GRID2: variants seen among roughly 807,000 people sequenced by gnomAD.
The protein encoded by GRID2 is glutamate receptor ionotropic, delta-2.
GRID2 carries 33 observed loss-of-function variants against 114.8 expected under a neutral mutation model. The observed-to-expected ratio is 0.29, with a 90% CI of 0.22 to 0.38. GRID2 has a LOEUF of 0.38. GRID2 is among the 10% of genes least tolerant of loss of function. GRID2 has a pLI of 1.00. For synonymous variants in GRID2, 505 were observed against 449.9 expected (o/e 1.12, Z -1.55); for missense variants, 1,184 against 1,257.7 (o/e 0.94, Z 0.89).
chr4:92,493,160 A>G (rs1723232147), intron 1 of GRID2, among the ~76,000 whole-genome samples: 1 of 151,764 alleles, frequency 6.6e-6, no homozygotes, highest in African/African-American at 2.4e-5. Context: ...ATTGAATTGA[A>G]TAAAGTTTTA....
chr4:93,133,813 CCTGTCAAAATACAAA>C (rs1413478786), intron 4 of GRID2, among the ~76,000 whole-genome samples: 1 of 152,080 alleles, frequency 6.6e-6, no homozygotes, highest in Non-Finnish European at 1.5e-5. Flanking sequence ...CAAAGCTTTA[CCTGTCAAAATACAAA>C]CTGTCAAAGA....
intron 2 of GRID2, among the ~76,000 whole-genome samples, chr4:93,065,092 G>A (rs892646248): frequency 4.6e-5 from 7 of 151,776 alleles, no homozygotes; most frequent in African/African-American, 1.4e-4. Flanking sequence ...GGAGGAAAAT[G>A]TGTTAAAATT....
chr4:92,758,147 AAAG>A (rs1737822980), intron 2 of GRID2, among the ~76,000 whole-genome samples: 1 of 152,100 alleles, frequency 6.6e-6, no homozygotes, highest in Admixed American at 6.5e-5. Context: ...GTATTGGAAA[AAAG>A]AGTCTGTTCT....
At chr4:92,473,208 TTG>T (rs981282088) in intron 1 of GRID2, among the ~76,000 whole-genome samples, 8 of 152,100 alleles carry the variant, frequency 5.3e-5, no homozygotes, top group African/African-American at 1.9e-4. Flanking sequence ...CCATGTAATT[TTG>T]TGTTTCACTT....
rs57413799 is a variant in GRID2 at position 93,693,550 on chromosome 4, G to C, written c.2360+67115G>C. 9.4e-3 allele frequency among the ~76,000 whole-genome samples: 1,426 copies of C among 152,286 alleles called. 24 individuals are homozygous for C. The highest frequency in any genetic ancestry group is 0.032 in the African/African-American group (1,328 of 41,544). ...GCAGAAATATGAGAAATTAGTCTAAGTAGTTTTTAGGAGAAAATATGCATT... is the reference window on the plus strand; with the variant it reads ...GCAGAAATATGAGAAATTAGTCTAACTAGTTTTTAGGAGAAAATATGCATT... On this transcript the variant is annotated intron_variant, in intron 14 of 15. Transcript: ENST00000282020.
chr4:93,314,212 G>A (rs1756326335), intron 8 of GRID2, among the ~76,000 whole-genome samples: 1 of 149,886 alleles, frequency 6.7e-6, no homozygotes, highest in African/African-American at 2.5e-5. Context: ...GGCTGAGGCA[G>A]GATAATTGCT....
intron 14 of GRID2, among the ~76,000 whole-genome samples, chr4:93,752,887 C>G (rs1313076156): frequency 1.3e-5 from 2 of 152,138 alleles, no homozygotes; most frequent in Non-Finnish European, 2.9e-5. Context: ...TTATTTTGTG[C>G]TCACTCAACA....
intron 8 of GRID2, among the ~76,000 whole-genome samples, chr4:93,282,634 T>C (rs1057015515): frequency 6.6e-6 from 1 of 152,050 alleles, no homozygotes; most frequent in African/African-American, 2.4e-5. Context: ...TATTGTTGCA[T>C]TGGGGATTAA....
At chr4:93,802,906 G>A (rs1734958622) in intron 1 of GRID2, among the ~76,000 whole-genome samples, 1 of 152,238 alleles carries the variant, frequency 6.6e-6, no homozygotes, top group Admixed American at 6.5e-5. Context: ...CTGTTTAAAA[G>A]TGTAATGCAG....
intron 2 of GRID2, chr4:92,822,190 A>G (rs1315218265): frequency 6.8e-6 from 3 of 441,076 alleles, no homozygotes; most frequent in Non-Finnish European, 1.3e-5. Context: ...CAGAACCAGT[A>G]GCAGTTGAGG....
chr4:93,125,484 A>G (rs970860708), intron 4 of GRID2, among the ~76,000 whole-genome samples: 1 of 152,178 alleles, frequency 6.6e-6, no homozygotes, highest in Non-Finnish European at 1.5e-5. Context: ...TTGAAACATA[A>G]TAAGTTGTTA....
In GRID2 at chr4:93,233,809, G is replaced by A. The variant is rs951818062; in HGVS notation, c.1126-4562G>A. On this transcript the variant is annotated intron_variant, in intron 7 of 15. Transcript: ENST00000282020. ...GGACCTGGTTAGGTTGTGGGCCATG[G>A]GATGGATAGAAGTAGATATCCTTGA... 2.6e-5 allele frequency among the ~76,000 whole-genome samples: 4 copies of A among 152,190 alleles called. No individual in the cohort carries two copies. In the East Asian group the frequency reaches 7.7e-4, roughly 29 times the overall value.
chr4:93,194,803 C>T (rs769470233), intron 4 of GRID2, among the ~76,000 whole-genome samples: 2 of 152,114 alleles, frequency 1.3e-5, no homozygotes, highest in African/African-American at 2.4e-5. Context: ...ACTGAGAACT[C>T]GTTAGAAATT....
chr4:93,561,282 T>A (rs935386413), intron 13 of GRID2, among the ~76,000 whole-genome samples: 2 of 152,178 alleles, frequency 1.3e-5, no homozygotes, highest in African/African-American at 4.8e-5. Flanking sequence ...AGAGATTGTA[T>A]GTTAGTACCA....
At chr4:92,658,502 A>G (rs1366386951) in intron 2 of GRID2, among the ~76,000 whole-genome samples, 2 of 151,764 alleles carry the variant, frequency 1.3e-5, no homozygotes, top group East Asian at 1.9e-4. Context: ...CCCAGACAGC[A>G]TTTGTGTTTG....
At chr4:93,109,469 A>G (rs925401398) in intron 3 of GRID2, among the ~76,000 whole-genome samples, 3 of 152,178 alleles carry the variant, frequency 2.0e-5, no homozygotes, top group African/African-American at 7.2e-5. Flanking sequence ...GAGTAAATGT[A>G]GTTTCTAAAT....
At chr4:92,641,881 G>A (rs1264335382) in intron 2 of GRID2, among the ~76,000 whole-genome samples, 2 of 149,922 alleles carry the variant, frequency 1.3e-5, no homozygotes, top group South Asian at 2.1e-4. Context: ...AGAACATGCA[G>A]TATTTAGCTT....
intron 10 of GRID2, among the ~76,000 whole-genome samples, chr4:93,441,340 G>A (rs1429004501): frequency 6.6e-6 from 1 of 152,004 alleles, no homozygotes; most frequent in Non-Finnish European, 1.5e-5. Flanking sequence ...AGATTGCTTG[G>A]TCATTTTTAT....
intron 7 of GRID2, among the ~76,000 whole-genome samples, chr4:93,232,566 T>C (rs1373500169): frequency 6.6e-6 from 1 of 150,858 alleles, no homozygotes; most frequent in African/African-American, 2.4e-5. Flanking sequence ...TGAACTAAAT[T>C]GTAATAGATC....
Sources: allele counts gnomAD v4.1 joint callset (sites outside exome capture counted in the v4.1 genomes callset), GRCh38; gene constraint gnomAD v4.1.1; transcripts MANE v1.5; gene names NCBI Gene and HGNC (gene_info 2026-07-23, HGNC 2026-07-21).